USP6NL: variants seen among roughly 807,000 people sequenced by gnomAD.
USP6NL encodes the protein USP6 N-terminal-like protein.
A neutral mutation model predicts 61.9 loss-of-function variants in USP6NL; 26 were observed. The observed-to-expected ratio is 0.42, with a 90% confidence interval of 0.31 to 0.58. The LOEUF (loss-of-function observed/expected upper bound fraction) is 0.58. USP6NL is among the 20% of genes least tolerant of loss of function. The pLI is 0.16. For synonymous variants in USP6NL, 432 were observed against 390.1 expected, an observed-to-expected ratio of 1.11 and a Z score of -1.27; for missense variants, 1,114 against 1,034.3, an observed-to-expected ratio of 1.08 and a Z score of -1.06.
chr10:11,576,585 C>T (rs948904055), intron 2 of USP6NL, among the ~76,000 whole-genome samples: 4 of 152,188 alleles, frequency 2.6e-5, no homozygotes, highest in African/African-American at 7.2e-5. Flanking sequence ...AAAGCAGGCC[C>T]CTAACAGACA....
In USP6NL at chr10:11,493,020, C is replaced by A. The variant is rs1591839555; in HGVS notation, c.494+99G>T. On this transcript the variant is annotated intron_variant, in intron 8 of 14. Transcript: ENST00000609104. ...CTGCAAAAGCTTAAACCTTTAGGAC[C>A]TAAATCGAAATTACAGTCTATAAAG... is the stretch of plus-strand genomic sequence containing the variant. 3.8e-6 allele frequency: 4 copies of A among 1,041,360 alleles called. No individual in the cohort carries two copies. The East Asian group carries it at 1.1e-4, about 28-fold the overall frequency. The allele number at this position is 1,041,360 out of a possible 1,614,324, so 64.5% of individuals were successfully genotyped here. A position where few individuals can be genotyped will look rare whatever the true frequency, so the allele number is the denominator to read the frequency against.
intron 2 of USP6NL, among the ~76,000 whole-genome samples, chr10:11,594,189 C>A (rs1838246825): frequency 6.6e-6 from 1 of 152,094 alleles, no homozygotes; most frequent in African/African-American, 2.4e-5. Flanking sequence ...CAGCACAAGA[C>A]AGATCGCTCT....
Position 11,482,129 on chromosome 10 carries a change from A to C in USP6NL, c.926-207T>G, listed in dbSNP as rs1833225411. 6.6e-6 allele frequency among the ~76,000 whole-genome samples: 1 copy of C among 152,216 alleles called. No homozygotes were observed. Among genetic ancestry groups the C allele is most frequent in the African/African-American group, 2.4e-5 (1 of 41,456 alleles). On this transcript the variant is annotated intron_variant, in intron 13 of 14. Coordinates refer to ENST00000609104, the MANE Select transcript of USP6NL (RefSeq NM_014688.5). The surrounding 1 kb of genome is among the most constrained non-coding windows in gnomAD (Gnocchi z 4.0). ...AAGCAGCCACAGAGAAAAGCAGGAA[A>C]GTTTACTGGGAGAAAGGATGGGAGG...
intron 2 of USP6NL, among the ~76,000 whole-genome samples, chr10:11,586,077 G>A (rs978603903): frequency 6.6e-6 from 1 of 152,100 alleles, no homozygotes; most frequent in African/African-American, 2.4e-5. Context: ...ATGGTAAATG[G>A]TCTGTGTACT....
chr10:11,519,822 T>C (rs1349637118), intron 4 of USP6NL, among the ~76,000 whole-genome samples: 1 of 152,188 alleles, frequency 6.6e-6, no homozygotes, highest in East Asian at 1.9e-4. Flanking sequence ...ATGCTATCCA[T>C]AAACAAAGTT....
chr10:11,500,949 A>C (rs1834158569), intron 7 of USP6NL, among the ~76,000 whole-genome samples, 152 bp downstream of exon 7: 1 of 152,252 alleles, frequency 6.6e-6, no homozygotes, highest in Non-Finnish European at 1.5e-5. Flanking sequence ...TTTTGCAATC[A>C]AGAAAACAAA....
At chr10:11,533,043 G>A (rs1835717436) in intron 2 of USP6NL, among the ~76,000 whole-genome samples, 1 of 152,164 alleles carries the variant, frequency 6.6e-6, no homozygotes, top group Admixed American at 6.5e-5. Context: ...TAACATCCCT[G>A]TTAGAGGCAT....
At position 11,574,818 on chromosome 10, in the gene USP6NL, C is replaced by T. The variant is rs1588402401; in HGVS notation, c.4+22813G>A. 6.6e-6 allele frequency among the ~76,000 whole-genome samples: 1 copy of T among 152,220 alleles called. No individual in the cohort carries two copies. Among genetic ancestry groups the T allele is most frequent in the East Asian group, 1.9e-4 (1 of 5,208 alleles). On this transcript the variant is annotated intron_variant, in intron 2 of 14. Transcript: ENST00000609104. This position sits in a 1 kb window ranked among gnomAD's most constrained non-coding sequence, Gnocchi z 4.3. ...GTTATTTTCCCATTTTTCAGCTGGA[C>T]AACTGAGCACAGTGAATCAACCAAG...
intron 1 of USP6NL, among the ~76,000 whole-genome samples, chr10:11,601,793 A>G (rs1251676862): frequency 1.3e-5 from 2 of 152,218 alleles, no homozygotes; most frequent in Non-Finnish European, 2.9e-5. Context: ...ACTGATGATT[A>G]TACATTATCT....
At chr10:11,545,539 G>A (rs1836242498) in intron 2 of USP6NL, among the ~76,000 whole-genome samples, 1 of 152,186 alleles carries the variant, frequency 6.6e-6, no homozygotes, top group Admixed American at 6.5e-5. Flanking sequence ...AAAAGGGTCA[G>A]CATTTTGCTG....
chr10:11,557,045 A>G (rs532074299), intron 2 of USP6NL, among the ~76,000 whole-genome samples: 92 of 152,354 alleles, frequency 6.0e-4, no homozygotes, highest in African/African-American at 2.2e-3. Flanking sequence ...CATATCCTCA[A>G]AAGCATTTTT....
rs990597802 is a variant in USP6NL, at chr10:11,574,959, G to A, written c.4+22672C>T. Among the ~76,000 whole-genome samples, 20 of 152,262 alleles carry A rather than the reference G, an allele frequency of 1.3e-4. No individual in the cohort carries two copies. The highest frequency in any genetic ancestry group is 2.2e-4 in the Non-Finnish European group (15 of 68,012). ...AAGTTTTCAGCTCTTCAGACACGACGTGCTACACCATGTACATATATACCA... is the reference window on the plus strand; with the variant it reads ...AAGTTTTCAGCTCTTCAGACACGACATGCTACACCATGTACATATATACCA... On this transcript the variant is annotated intron_variant, in intron 2 of 14. Coordinates refer to ENST00000609104, the MANE Select transcript of USP6NL (RefSeq NM_014688.5). This position sits in a 1 kb window ranked among gnomAD's most constrained non-coding sequence, Gnocchi z 4.3.
intron 1 of USP6NL, among the ~76,000 whole-genome samples, chr10:11,609,478 G>C (rs1838809615): frequency 6.6e-6 from 1 of 152,196 alleles, no homozygotes; most frequent in African/African-American, 2.4e-5. Context: ...AATCGTTACA[G>C]TGAAATTGTG....
At chr10:11,556,702 ACAAT>A (rs1836719813) in intron 2 of USP6NL, among the ~76,000 whole-genome samples, 1 of 152,262 alleles carries the variant, frequency 6.6e-6, no homozygotes, top group Non-Finnish European at 1.5e-5. Context: ...TTGCAACAAA[ACAAT>A]CAACCCAAGA....
chr10:11,563,213 T>C (rs1159561167), intron 2 of USP6NL: 1 of 152,168 alleles, frequency 6.6e-6, no homozygotes, highest in African/African-American at 2.4e-5. Flanking sequence ...TATATAGCAT[T>C]CTCAAGATGG....
Position 11,511,441 on chromosome 10 carries a change from A to G in USP6NL, c.196-1766T>C, listed in dbSNP as rs1440175626. ...AGATTGATCTAAATTGCCATTTGGT[A>G]TTTTTTGTTCTTCTGCACTTTCTCC... On this transcript the variant is annotated intron_variant, in intron 5 of 14. Transcript: ENST00000609104. The surrounding 1 kb of genome is among the most constrained non-coding windows in gnomAD (Gnocchi z 4.9). 6.6e-6 allele frequency among the ~76,000 whole-genome samples: 1 copy of G among 152,122 alleles called. No homozygotes were observed. Among genetic ancestry groups the G allele is most frequent in the Admixed American group, 6.5e-5 (1 of 15,278 alleles).
At chr10:11,471,201 C>A (rs11257110) in intron 14 of USP6NL, among the ~76,000 whole-genome samples, 33,911 of 151,154 alleles carry the variant, frequency 0.22, 4,363 homozygotes, top group East Asian at 0.59. Flanking sequence ...AACAAACAAA[C>A]AAAAAAAACA....
intron 14 of USP6NL, among the ~76,000 whole-genome samples, chr10:11,473,336 G>A (rs1017768674): frequency 3.3e-5 from 5 of 152,238 alleles, no homozygotes; most frequent in African/African-American, 1.2e-4. Context: ...ATAGAGACAT[G>A]ACTGACAGAG....
chr10:11,596,745 C>T lies in USP6NL; in HGVS notation c.4+886G>A, dbSNP rs961096128. 2.0e-5 allele frequency among the ~76,000 whole-genome samples: 3 copies of T among 152,140 alleles called. No individual in the cohort carries two copies. Among genetic ancestry groups the T allele is most frequent in the African/African-American group, 7.2e-5 (3 of 41,430 alleles). On this transcript the variant is annotated intron_variant, in intron 2 of 14. Coordinates refer to ENST00000609104, the MANE Select transcript of USP6NL (RefSeq NM_014688.5). This position sits in a 1 kb window ranked among gnomAD's most constrained non-coding sequence, Gnocchi z 4.1. ...GAAAAGTCAAAAATCAAAGACCGTT[C>T]CTTACAATATTATTCTTAGTAGAAG...
Sources: allele counts gnomAD v4.1 joint callset (sites outside exome capture counted in the v4.1 genomes callset), GRCh38; gene constraint gnomAD v4.1.1; non-coding constraint Gnocchi (gnomAD v3.1); transcripts MANE v1.5; gene names NCBI Gene and HGNC (gene_info 2026-07-23, HGNC 2026-07-21).